Variants in RELN observed in about 807,000 individuals in gnomAD.
RELN encodes reelin.
A neutral mutation model predicts 427.6 loss-of-function variants in RELN; 108 were observed. That is an observed-to-expected ratio of 0.25 (90% CI 0.22 to 0.30). The LOEUF (loss-of-function observed/expected upper bound fraction) is 0.30. Among genes scored for constraint, RELN ranks in the 10% least tolerant of loss-of-function variants. The probability of loss-of-function intolerance (pLI) is 1.00; values close to 1 mark genes in which losing one functional copy is unlikely to be tolerated. For synonymous variants in RELN, 1,524 were observed against 1,513.4 expected (o/e 1.01, Z -0.16); for missense variants, 3,715 against 4,302.8 (o/e 0.86, Z 3.82).
intron 12 of RELN, among the ~76,000 whole-genome samples, chr7:103,659,985 A>G (rs958008383): frequency 4.6e-5 from 7 of 152,120 alleles, no homozygotes; most frequent in African/African-American, 1.7e-4. Context: ...TCAATTCCCC[A>G]TCATAGTAAT....
chr7:103,983,357 T>A (rs1797031057), intron 1 of RELN, among the ~76,000 whole-genome samples: 1 of 152,144 alleles, frequency 6.6e-6, no homozygotes, highest in Non-Finnish European at 1.5e-5. Flanking sequence ...CTGCCTTCAA[T>A]GAGATGGGCA....
intron 20 of RELN, chr7:103,627,953 A>C (rs1169404314): frequency 6.6e-6 from 1 of 152,246 alleles, no homozygotes; most frequent in Non-Finnish European, 1.5e-5. Flanking sequence ...TAAAATGCTC[A>C]GCAACTTTTG....
At chr7:103,855,017 A>T (rs1269941819) in intron 2 of RELN, among the ~76,000 whole-genome samples, 1 of 152,264 alleles carries the variant, frequency 6.6e-6, no homozygotes, top group Non-Finnish European at 1.5e-5. Context: ...AGCAGCATTT[A>T]AATGTATAGA....
intron 4 of RELN, among the ~76,000 whole-genome samples, chr7:103,760,251 GTTAAAAAAAAAAGCTTCA>G (rs1791265098): frequency 1.3e-5 from 2 of 150,442 alleles, no homozygotes; most frequent in African/African-American, 4.9e-5. Context: ...CATGCTAAAA[GTTAAAAAAAAAAGCTTCA>G]TTTCTTAAAA....
intron 2 of RELN, among the ~76,000 whole-genome samples, chr7:103,866,037 T>C (rs2116509457): frequency 6.6e-6 from 1 of 152,264 alleles, no homozygotes; most frequent in Non-Finnish European, 1.5e-5. Context: ...AATGAGATTA[T>C]TACTAATATT....
At chr7:103,746,753 G>A (rs370088244) in intron 6 of RELN, among the ~76,000 whole-genome samples, 1 of 150,980 alleles carries the variant, frequency 6.6e-6, no homozygotes, top group Non-Finnish European at 1.5e-5. Flanking sequence ...TCATTAAAAA[G>A]TCAGGAAACA....
At chr7:103,838,636 T>C (rs899084173) in intron 2 of RELN, among the ~76,000 whole-genome samples, 1 of 152,072 alleles carries the variant, frequency 6.6e-6, no homozygotes, top group Non-Finnish European at 1.5e-5. Context: ...GTATGGAAAA[T>C]GACAAGTCTG....
intron 6 of RELN, among the ~76,000 whole-genome samples, chr7:103,738,995 T>C (rs1259788963): frequency 6.6e-6 from 1 of 152,154 alleles, no homozygotes; most frequent in Non-Finnish European, 1.5e-5. Context: ...ATCTTTTCAT[T>C]CAACTTAAAA....
At chr7:103,500,999 C>G in intron 52 of RELN, 77 bp from the exon 53 acceptor site, 1 of 1,321,364 alleles carries the variant, frequency 7.6e-7, no homozygotes, top group Non-Finnish European at 1.1e-6. Context: ...CATGTGTATT[C>G]AGTACTCAAG....
intron 2 of RELN, among the ~76,000 whole-genome samples, chr7:103,916,352 A>T (rs1036728048): frequency 6.6e-6 from 1 of 152,182 alleles, no homozygotes; most frequent in Non-Finnish European, 1.5e-5. Flanking sequence ...TAATCTTTCA[A>T]TTTTGGAGTA....
At position 103,566,695 on chromosome 7, in the gene RELN, G is replaced by A. The variant is rs1470560302; in HGVS notation, c.4653C>T (p.Phe1551=). The A allele has an allele frequency of 1.9e-6, 3 of 1,614,072 alleles. No homozygotes were observed. The East Asian group carries it at 6.7e-5, about 36-fold the overall frequency. ...TGATCTGTGGTTCCAGGAAGGACAT[G>A]AAGTCCAACTCTCGAAGCAAATGCC... is the stretch of plus-strand genomic sequence containing the variant. ...ILWHLLRELD[F]MSFLEPQIIS... Residue 1551 remains phenylalanine (F), a synonymous_variant, in exon 32 of 65, where the codon TTC becomes TTT. Transcript: ENST00000428762.
Position 103,490,787 on chromosome 7 carries a change from G to A in RELN, c.9486C>T (p.Ser3162=), listed in dbSNP as rs775810751. ...WQLVQTQCLP[S]SSNSIGCSPF... is the part of the protein sequence containing the mutation. ...GGGAGCAGCCAATGCTGTTAGAAGA[G>A]GAAGGAAGGCACTGGGTCTGTACGA... The change falls in exon 59 of 65, where the codon TCC becomes TCT. Residue 3162 remains serine, a synonymous_variant. Transcript: ENST00000428762. 7.4e-6 allele frequency: 12 copies of A among 1,614,210 alleles called. No homozygotes were observed. Among genetic ancestry groups the A allele is most frequent in the Non-Finnish European group, 1.0e-5 (12 of 1,180,040 alleles).
chr7:103,543,644 C>G (rs759234755), intron 42 of RELN, among the ~76,000 whole-genome samples: 9 of 151,958 alleles, frequency 5.9e-5, no homozygotes, highest in Non-Finnish European at 1.3e-4. Flanking sequence ...AAAACTCCAT[C>G]TCAAAAAATA....
intron 10 of RELN, among the ~76,000 whole-genome samples, chr7:103,688,181 A>T (rs924718242): frequency 6.6e-6 from 1 of 152,116 alleles, no homozygotes; most frequent in African/African-American, 2.4e-5. Context: ...CCAGGAAATC[A>T]TAGTTAACAT....
chr7:103,681,972 GCAC>G, intron 11 of RELN, 141 bp downstream of exon 11: 2 of 802,888 alleles, frequency 2.5e-6, no homozygotes, highest in Non-Finnish European at 4.3e-6. Context: ...TAGGGTAAGT[GCAC>G]CCCTTTTGGC....
chr7:103,839,326 A>G (rs1311716779), intron 2 of RELN, among the ~76,000 whole-genome samples: 3 of 80,104 alleles, frequency 3.7e-5, no homozygotes, highest in Admixed American at 1.2e-4. Flanking sequence ...TTTTTTTAAC[A>G]TAGAACACTG....
chr7:103,545,069 GT>G, intron 42 of RELN, 54 bp downstream of exon 42: 1 of 1,361,724 alleles, frequency 7.3e-7, no homozygotes, highest in East Asian at 2.3e-5. Context: ...CAAAAATTGT[GT>G]TTAACATATA....
chr7:103,814,769 C>T (rs201123083), intron 3 of RELN, among the ~76,000 whole-genome samples: 1 of 151,618 alleles, frequency 6.6e-6, no homozygotes, highest in African/African-American at 2.4e-5. Flanking sequence ...AGCTCTGTGA[C>T]AGAGCTCACC....
At chr7:103,825,410 A>T (rs1373380507) in intron 3 of RELN, among the ~76,000 whole-genome samples, 1 of 152,128 alleles carries the variant, frequency 6.6e-6, no homozygotes, top group African/African-American at 2.4e-5. Context: ...CCCATAAAAT[A>T]AAAAACCATA....
Sources: gnomAD v4.1 joint callset for allele counts (sites outside exome capture counted in the v4.1 genomes callset) on GRCh38, gnomAD v4.1.1 for gene constraint, MANE v1.5 for transcripts, NCBI Gene and HGNC (gene_info 2026-07-23, HGNC 2026-07-21) for gene names.